The following PPP1R13B variants were observed in gnomAD, a reference collection of about 807,000 sequenced individuals.
PPP1R13B encodes apoptosis-stimulating of p53 protein 1.
A neutral mutation model predicts 119.8 loss-of-function variants in PPP1R13B; 44 were observed. The ratio of observed to expected loss-of-function variants is 0.37; its 90% CI spans 0.29 to 0.47. The LOEUF (loss-of-function observed/expected upper bound fraction) is 0.47. PPP1R13B is among the 20% of genes least tolerant of loss of function. PPP1R13B has a pLI of 0.99. For missense variants in PPP1R13B, 1,227 were observed against 1,413.5 expected, an observed-to-expected ratio of 0.87 and a Z score of 2.12; for synonymous variants, 542 against 561.5, an observed-to-expected ratio of 0.97 and a Z score of 0.49.
intron 1 of PPP1R13B, among the ~76,000 whole-genome samples, chr14:103,805,306 C>T (rs1278248029): frequency 6.6e-6 from 1 of 152,168 alleles, no homozygotes; most frequent in East Asian, 1.9e-4. Flanking sequence ...AACGGTGGCT[C>T]ATGCCTGTAA....
intron 7 of PPP1R13B, among the ~76,000 whole-genome samples, chr14:103,751,603 T>G (rs1266673208): frequency 6.6e-6 from 1 of 152,020 alleles, no homozygotes; most frequent in African/African-American, 2.4e-5. Context: ...GGCAGGGTCT[T>G]TAGGAGGTAA....
chr14:103,745,972 A>G (rs1567088992), intron 9 of PPP1R13B, among the ~76,000 whole-genome samples: 1 of 151,958 alleles, frequency 6.6e-6, no homozygotes, highest in Non-Finnish European at 1.5e-5. Context: ...CGCCCGGCTA[A>G]TTTTCGTAGT....
chr14:103,802,483 G>T (rs939732500), intron 1 of PPP1R13B, among the ~76,000 whole-genome samples: 2 of 152,120 alleles, frequency 1.3e-5, no homozygotes, highest in Admixed American at 6.6e-5. Context: ...CTTCGGAATC[G>T]GTTTTTCTTC....
chr14:103,738,543 C>G lies in PPP1R13B; in HGVS notation c.2864+136G>C. ...GCAAGGAAACCCTGGCAACAGCTGT[C>G]TTTCAAGGATGAAATGATGGGTGTT... On this transcript the variant is annotated intron_variant, in intron 14 of 16. Transcript: ENST00000202556. This position sits in a 1 kb window ranked among gnomAD's most constrained non-coding sequence, Gnocchi z 5.6. 7.3e-7 allele frequency: 1 copy of G among 1,362,450 alleles called. No homozygotes were observed. The highest frequency in any genetic ancestry group is 1.0e-6 in the Non-Finnish European group (1 of 1,003,044). 84.4% of individuals were successfully genotyped at this position (1,362,450 alleles called of 1,614,324 possible). A position where few individuals can be genotyped will look rare whatever the true frequency, so the allele number is the denominator to read the frequency against.
chr14:103,844,358 G>A (rs1466984967), intron 1 of PPP1R13B, among the ~76,000 whole-genome samples: 3 of 152,084 alleles, frequency 2.0e-5, no homozygotes, highest in African/African-American at 7.2e-5. Flanking sequence ...TGTGTCAGAT[G>A]AGAATTTGGC....
At chr14:103,842,167 CCTACCCTGCAGTAAACATG>C (rs1007108134) in intron 1 of PPP1R13B, among the ~76,000 whole-genome samples, 4 of 151,940 alleles carry the variant, frequency 2.6e-5, no homozygotes, top group African/African-American at 9.7e-5. Flanking sequence ...TAATGTCATC[CCTACCCTGCAGTAAACATG>C]CTGAAAGGGC....
In PPP1R13B at chr14:103,738,589, C is replaced by A; in HGVS notation, c.2864+90G>T. On this transcript the variant is annotated intron_variant, in intron 14 of 16. Transcript: ENST00000202556. The surrounding 1 kb of genome is among the most constrained non-coding windows in gnomAD (Gnocchi z 5.6). ...GTGTTCTTGCTCTAATTCTCTCTTC[C>A]GTGCTTCCTAATTGTCTAGAACACG... is the stretch of plus-strand genomic sequence containing the variant. 1 of 1,548,708 alleles carries A rather than the reference C, an allele frequency of 6.5e-7. No homozygotes were observed. The highest frequency in any genetic ancestry group is 8.8e-7 in the Non-Finnish European group (1 of 1,135,934).
chr14:103,786,507 G>T (rs190610878), intron 2 of PPP1R13B, among the ~76,000 whole-genome samples: 3 of 152,042 alleles, frequency 2.0e-5, no homozygotes, highest in Non-Finnish European at 2.9e-5. Flanking sequence ...ACTCACGCCT[G>T]TAATTCTAGC....
intron 5 of PPP1R13B, among the ~76,000 whole-genome samples, chr14:103,756,998 G>T (rs2084692984): frequency 6.6e-6 from 1 of 151,600 alleles, no homozygotes; most frequent in African/African-American, 2.4e-5. Context: ...TCCTGACCTT[G>T]TGAGCCGCCC....
intron 5 of PPP1R13B, among the ~76,000 whole-genome samples, chr14:103,756,426 T>C (rs1461683876): frequency 6.6e-6 from 1 of 152,186 alleles, no homozygotes; most frequent in Non-Finnish European, 1.5e-5. Context: ...ACAACATGAA[T>C]CATTTCCAGC....
At chr14:103,782,463 G>A (rs565455250) in intron 3 of PPP1R13B, among the ~76,000 whole-genome samples, 1 of 152,316 alleles carries the variant, frequency 6.6e-6, no homozygotes, top group Non-Finnish European at 1.5e-5. Flanking sequence ...TTTTGTATGT[G>A]CCAGGGCACA....
At chr14:103,824,150 A>G (rs1474280487) in intron 1 of PPP1R13B, among the ~76,000 whole-genome samples, 1 of 147,420 alleles carries the variant, frequency 6.8e-6, no homozygotes, top group Non-Finnish European at 1.5e-5. Flanking sequence ...GGTTCAAGCA[A>G]TTCTCCTGCC....
chr14:103,844,994 T>TA (rs1296674031), intron 1 of PPP1R13B, among the ~76,000 whole-genome samples: 1 of 152,206 alleles, frequency 6.6e-6, no homozygotes, highest in Admixed American at 6.5e-5. Flanking sequence ...GAATACGTGT[T>TA]AAAATAATAT....
At chr14:103,785,908 G>A (rs2085452016) in intron 2 of PPP1R13B, among the ~76,000 whole-genome samples, 1 of 152,194 alleles carries the variant, frequency 6.6e-6, no homozygotes. Flanking sequence ...AGGCTGGACA[G>A]GGCACTTCCT....
Position 103,778,824 on chromosome 14 carries a change from A to G in PPP1R13B, c.278-3T>C, listed in dbSNP as rs780609843. 10 of 1,611,682 alleles carry G rather than the reference A, an allele frequency of 6.2e-6. No individual in the cohort carries two copies. The South Asian group carries it at 1.1e-4, about 18-fold the overall frequency. On this transcript the variant is annotated splice_polypyrimidine_tract_variant and splice_region_variant and intron_variant, in intron 3 of 16. Transcript: ENST00000202556. ...TTGCTCTTGGGTCTGACGGCCACCT[A>G]AAGAAATAAAAGAACCAAACTCACC...
rs565836684 is a variant in PPP1R13B at position 103,748,670 on chromosome 14, A to G, written c.969+1124T>C. ...CAGGTGCGAGAAAGTCAAGTGCCACATCCGGCCAAAGACACAGAGTGCAGG... is the reference window on the plus strand; with the variant it reads ...CAGGTGCGAGAAAGTCAAGTGCCACGTCCGGCCAAAGACACAGAGTGCAGG... On this transcript the variant is annotated intron_variant, in intron 8 of 16. Transcript: ENST00000202556. Among the ~76,000 whole-genome samples the G allele has an allele frequency of 2.6e-5, 4 of 152,354 alleles. No homozygotes were observed. In the East Asian group the frequency reaches 7.7e-4, roughly 29 times the overall value.
chr14:103,803,316 G>A (rs990948832), intron 1 of PPP1R13B, among the ~76,000 whole-genome samples: 1 of 152,078 alleles, frequency 6.6e-6, no homozygotes, highest in Admixed American at 6.6e-5. Flanking sequence ...AAGTTAATAC[G>A]TTTATCCTTC....
intron 1 of PPP1R13B, among the ~76,000 whole-genome samples, chr14:103,821,610 G>C (rs990798653): frequency 1.2e-4 from 18 of 152,090 alleles, no homozygotes; most frequent in Non-Finnish European, 2.5e-4. Context: ...AATTAGCCGG[G>C]CGTGGTGATG....
chr14:103,809,960 G>A (rs1157393055), intron 1 of PPP1R13B, among the ~76,000 whole-genome samples: 1 of 151,388 alleles, frequency 6.6e-6, no homozygotes, highest in African/African-American at 2.4e-5. Context: ...CCTAGTAGCT[G>A]GGACTAGAGG....
Sources: allele counts gnomAD v4.1 joint callset (sites outside exome capture counted in the v4.1 genomes callset), GRCh38; gene constraint gnomAD v4.1.1; non-coding constraint Gnocchi (gnomAD v3.1); transcripts MANE v1.5; gene names NCBI Gene and HGNC (gene_info 2026-07-23, HGNC 2026-07-21).